KIF15: variants seen among roughly 807,000 people sequenced by gnomAD.
The protein encoded by KIF15 is kinesin family member 15.
Under a neutral mutation model 190.6 loss-of-function variants are expected in KIF15, and 140 were observed. The observed-to-expected ratio is 0.73, with a 90% CI of 0.64 to 0.84. The LOEUF is 0.84. Among genes scored for constraint, KIF15 ranks in the 40% least tolerant of loss-of-function variants. The probability of loss-of-function intolerance (pLI) is 0.00; values close to 1 mark genes in which losing one functional copy is unlikely to be tolerated. For missense variants in KIF15, 1,372 were observed against 1,584.4 expected, an observed-to-expected ratio of 0.87 and a Z score of 2.28; for synonymous variants, 528 against 551.3, an observed-to-expected ratio of 0.96 and a Z score of 0.59.
In KIF15 at chr3:44,784,962, A is replaced by G. The variant is rs1325488795; in HGVS notation, c.459+20A>G. ...GAAAAGGTAAAACAATGTAAAAATA[A>G]AGTGGTTCTATGAAATGTCTAATTT... On this transcript the variant is annotated intron_variant, in intron 6 of 34. Transcript: ENST00000326047. 3 of 1,315,662 alleles carry G rather than the reference A, an allele frequency of 2.3e-6. No individual in the cohort carries two copies. In the Admixed American group the frequency reaches 6.3e-5, roughly 28 times the overall value. 81.5% of individuals were successfully genotyped at this position (1,315,662 alleles called of 1,614,324 possible). A position where few individuals can be genotyped will look rare whatever the true frequency, so the allele number is the denominator to read the frequency against.
In KIF15 at chr3:44,865,334, G is replaced by T. The variant is rs759794304; in HGVS notation, c.*60-7995G>T. 1.8e-5 allele frequency: 17 copies of T among 937,952 alleles called. 1 individual carries two copies. The highest frequency in any genetic ancestry group is 2.6e-5 in the Non-Finnish European group (16 of 621,860). 58.1% of individuals were successfully genotyped at this position (937,952 alleles called of 1,614,324 possible). ...CTCTGATGGAGCAGGCTCTGGCTCT[G>T]TAAGGAGAGGTGCAGCTGCAGCAGT... On this transcript the variant is annotated intron_variant and NMD_transcript_variant, in intron 6 of 6. Coordinates refer to the KIF15 transcript ENST00000422209.
At chr3:44,862,810 T>A (rs1699273489) in intron 6 of KIF15, 1 of 152,026 alleles carries the variant, frequency 6.6e-6, no homozygotes, top group African/African-American at 2.4e-5. Flanking sequence ...GCCTCTGACC[T>A]GGACAGTGGT....
chr3:44,825,978 C>G, intron 20 of KIF15, 61 bp from the exon 21 acceptor site: 1 of 1,418,362 alleles, frequency 7.1e-7, no homozygotes, highest in South Asian at 1.3e-5. Flanking sequence ...TGCAGATGAT[C>G]TGATTAATAG....
At chr3:44,813,630 G>GTTTTTTTTTTTT (rs561892613) in intron 19 of KIF15, among the ~76,000 whole-genome samples, 1 of 123,066 alleles carries the variant, frequency 8.1e-6, no homozygotes, top group Non-Finnish European at 1.7e-5. Flanking sequence ...TGTTTGTTTT[G>GTTTTTTTTTTTT]TTTTTTTTTT....
chr3:44,763,557 C>T (rs1217352807), intron 1 of KIF15, among the ~76,000 whole-genome samples: 3 of 152,124 alleles, frequency 2.0e-5, no homozygotes, highest in African/African-American at 4.8e-5. Flanking sequence ...ACCTTGGCCT[C>T]CCAAAGTGCT....
chr3:44,782,501 G>A (rs1310748104), intron 5 of KIF15, among the ~76,000 whole-genome samples: 1 of 152,188 alleles, frequency 6.6e-6, no homozygotes, highest in African/African-American at 2.4e-5. Flanking sequence ...GACACTGTTG[G>A]TTTACTTGAA....
intron 6 of KIF15, among the ~76,000 whole-genome samples, chr3:44,866,627 CCCT>C (rs1170119963): frequency 1.3e-5 from 2 of 152,214 alleles, no homozygotes; most frequent in African/African-American, 4.8e-5. Context: ...CTTGTCCAGA[CCCT>C]CCTCCTCGCC....
chr3:44,778,131 C>CT lies in KIF15; in HGVS notation c.264dup (p.Val89CysfsTer3), dbSNP rs1209796896. 2 of 1,613,430 alleles carry CT rather than the reference C, an allele frequency of 1.2e-6. No individual in the cohort carries two copies. Among genetic ancestry groups the CT allele is most frequent in the Non-Finnish European group, 1.7e-6 (2 of 1,179,466 alleles). Reference sequence around the variant, plus strand: ...CATTTGTAGGAATCTGTATTCGCAACTGTGGCTAAAAGCATTGTGGAGTCT... The same window carrying CT: ...CATTTGTAGGAATCTGTATTCGCAACTTGTGGCTAAAAGCATTGTGGAGTCT... On this transcript the variant is annotated frameshift_variant, in exon 4 of 35. Coordinates refer to ENST00000326047, the MANE Select transcript of KIF15 (RefSeq NM_020242.3). LOFTEE classifies it high-confidence loss of function.
At chr3:44,805,263 T>A in intron 15 of KIF15, 95 bp downstream of exon 15, 1 of 1,229,164 alleles carries the variant, frequency 8.1e-7, no homozygotes, top group Non-Finnish European at 1.1e-6. Flanking sequence ...CATTTTACTT[T>A]AAATATTAAA....
At chr3:44,866,802 C>T (rs1457452385) in intron 6 of KIF15, among the ~76,000 whole-genome samples, 2 of 152,226 alleles carry the variant, frequency 1.3e-5, no homozygotes, top group African/African-American at 4.8e-5. Flanking sequence ...ACCCATCTCC[C>T]TCATGCTAGC....
intron 16 of KIF15, among the ~76,000 whole-genome samples, chr3:44,809,141 G>GCTTGGGCTC (rs1239142648): frequency 9.2e-5 from 14 of 152,172 alleles, no homozygotes; most frequent in Non-Finnish European, 1.8e-4. Flanking sequence ...GGATTGTCAT[G>GCTTGGGCTC]CTTGTTAATG....
intron 26 of KIF15, among the ~76,000 whole-genome samples, chr3:44,837,080 G>T (rs1468502316): frequency 6.6e-6 from 1 of 152,108 alleles, no homozygotes; most frequent in African/African-American, 2.4e-5. Context: ...ACTTTCTTAC[G>T]TTTTAAGACT....
chr3:44,830,085 G>A lies in KIF15; in HGVS notation c.3048+10G>A, dbSNP rs1697991971. 2 of 1,476,516 alleles carry A rather than the reference G, an allele frequency of 1.4e-6. No homozygotes were observed. 91.5% of individuals were successfully genotyped at this position (1,476,516 alleles called of 1,614,324 possible). A position where few individuals can be genotyped will look rare whatever the true frequency, so the allele number is the denominator to read the frequency against. ...ACTGAAGGACATAAATGTAAGTTCG[G>A]TCACCAACAAGATGTTAAATTTGAG... is the stretch of plus-strand genomic sequence containing the variant. On this transcript the variant is annotated intron_variant, in intron 25 of 34. Coordinates refer to ENST00000326047, the MANE Select transcript of KIF15 (RefSeq NM_020242.3).
At chr3:44,866,563 A>G (rs1415042334) in intron 6 of KIF15, among the ~76,000 whole-genome samples, 1 of 152,006 alleles carries the variant, frequency 6.6e-6, no homozygotes, top group Non-Finnish European at 1.5e-5. Context: ...TTCTTCATAC[A>G]TTTCCTGCAG....
intron 8 of KIF15, among the ~76,000 whole-genome samples, chr3:44,796,022 C>T (rs1467270270): frequency 6.6e-6 from 1 of 152,124 alleles, no homozygotes; most frequent in Non-Finnish European, 1.5e-5. Flanking sequence ...CCACCACACC[C>T]AGCTAATATT....
At chr3:44,855,831 G>A (rs116262510), downstream of KIF15, among the ~76,000 whole-genome samples, 865 of 152,328 alleles carry the variant, frequency 5.7e-3, 7 homozygotes, top group African/African-American at 0.02. Context: ...GGAGGACGCA[G>A]GACATCCAAT....
chr3:44,798,886 C>T (rs546351391), intron 10 of KIF15, among the ~76,000 whole-genome samples: 21 of 152,314 alleles, frequency 1.4e-4, no homozygotes, highest in Admixed American at 1.0e-3. Flanking sequence ...TACAAGACTG[C>T]GCCCAACTTC....
intron 5 of KIF15, among the ~76,000 whole-genome samples, chr3:44,782,089 G>A (rs888165119): frequency 1.3e-4 from 19 of 151,254 alleles, no homozygotes; most frequent in Non-Finnish European, 1.8e-4. Flanking sequence ...TGCCCCTGTC[G>A]CCTAGGCTAG....
intron 16 of KIF15, among the ~76,000 whole-genome samples, chr3:44,810,042 G>C (rs984264812): frequency 6.6e-6 from 1 of 152,136 alleles, no homozygotes; most frequent in African/African-American, 2.4e-5. Flanking sequence ...ACTCCAGCCT[G>C]GGCAACAGAA....
Sources: allele counts gnomAD v4.1 joint callset (sites outside exome capture counted in the v4.1 genomes callset), GRCh38; gene constraint gnomAD v4.1.1; transcripts MANE v1.5; gene names NCBI Gene and HGNC (gene_info 2026-07-23, HGNC 2026-07-21).